CD1B: variants seen among roughly 807,000 people sequenced by gnomAD.
The protein encoded by CD1B is T-cell surface glycoprotein CD1b.
Under a neutral mutation model 39.8 loss-of-function variants are expected in CD1B, and 43 were observed. That is an observed-to-expected ratio of 1.08 (90% CI 0.85 to 1.39). CD1B has a LOEUF of 1.39. Among genes scored for constraint, CD1B ranks in the 40% most tolerant of loss-of-function variants. CD1B has a pLI of 0.00. For missense variants in CD1B, 495 were observed against 403.8 expected (o/e 1.23, Z -1.94); for synonymous variants, 192 against 152.5 (o/e 1.26, Z -1.91).
the CD1B span, chr1:158,289,845 T>C: frequency 2.1e-6 from 1 of 487,620 alleles, no homozygotes; most frequent in Non-Finnish European, 3.7e-6. Context: ...GCTGGAATCC[T>C]GAGAGAAGAG....
the CD1B span, among the ~76,000 whole-genome samples, chr1:158,299,818 G>GGT: frequency 1.3e-5 from 2 of 151,978 alleles, no homozygotes; most frequent in Admixed American, 1.3e-4. Context: ...TATTTTTGTG[G>GGT]GATCAGTGGT....
At chr1:158,314,834 G>C in the CD1B span, among the ~76,000 whole-genome samples, 1 of 129,628 alleles carries the variant, frequency 7.7e-6, no homozygotes, top group African/African-American at 3.0e-5. Context: ...AGTCCCCAGA[G>C]TGTGATGTTC....
chr1:158,320,186 C>T, the CD1B span, among the ~76,000 whole-genome samples: 265 of 152,322 alleles, frequency 1.7e-3, 2 homozygotes, highest in African/African-American at 5.8e-3. Flanking sequence ...TGGGCTCCAC[C>T]CAGTTCGAGC....
At chr1:158,302,427 A>G in the CD1B span, among the ~76,000 whole-genome samples, 1 of 152,174 alleles carries the variant, frequency 6.6e-6, no homozygotes, top group African/African-American at 2.4e-5. Flanking sequence ...AAGACAAGAA[A>G]TAACCAAAAT....
At chr1:158,313,669 C>T in the CD1B span, among the ~76,000 whole-genome samples, 3 of 152,096 alleles carry the variant, frequency 2.0e-5, no homozygotes, top group African/African-American at 4.8e-5. Flanking sequence ...CTAATGAATG[C>T]TAGTCTCAAA....
the CD1B span, among the ~76,000 whole-genome samples, chr1:158,318,178 T>C: frequency 2.0e-5 from 3 of 152,174 alleles, no homozygotes; most frequent in Non-Finnish European, 2.9e-5. Context: ...GTCTATTAGG[T>C]CCGCTTGGGG....
the CD1B span, among the ~76,000 whole-genome samples, chr1:158,313,411 G>T: frequency 6.6e-6 from 1 of 151,976 alleles, no homozygotes; most frequent in Non-Finnish European, 1.5e-5. Flanking sequence ...CCTGGGCTTG[G>T]GTGATCCTCC....
At chr1:158,311,034 A>C in the CD1B span, among the ~76,000 whole-genome samples, 1 of 152,194 alleles carries the variant, frequency 6.6e-6, no homozygotes, top group Non-Finnish European at 1.5e-5. Flanking sequence ...CAAACCTTCA[A>C]ATGTAGCTGC....
the CD1B span, among the ~76,000 whole-genome samples, chr1:158,318,400 C>G: frequency 3.3e-5 from 5 of 152,086 alleles, no homozygotes; most frequent in African/African-American, 1.2e-4. Flanking sequence ...TTGAATTGAT[C>G]CCTTTACCAT....
downstream of CD1B, among the ~76,000 whole-genome samples, chr1:158,323,142 A>G (rs932904481): frequency 6.6e-6 from 1 of 151,962 alleles, no homozygotes; most frequent in African/African-American, 2.4e-5. Context: ...TTGCTCTTTC[A>G]ATAGTATCCC....
chr1:158,327,683 G>T (rs867556724), downstream of CD1B, among the ~76,000 whole-genome samples: 4 of 152,320 alleles, frequency 2.6e-5, no homozygotes, highest in Middle Eastern at 6.8e-3. Context: ...CTCCAATGCT[G>T]TGAGTAAAGT....
chr1:158,329,644 C>T lies in CD1B; in HGVS notation c.612G>A (p.Lys204=), dbSNP rs769390917. The change falls in exon 4 of 6, where the codon AAG becomes AAA. Residue 204 remains lysine (K), a synonymous_variant. Coordinates refer to ENST00000368168, the MANE Select transcript of CD1B (RefSeq NM_001764.3). ...GGCCACTGGACAGCCAGGCCTCAGGCTTCACTAAGGCAGGAAGGAGAAAAA... is the reference window on the plus strand; with the variant it reads ...GGCCACTGGACAGCCAGGCCTCAGGTTTCACTAAGGCAGGAAGGAGAAAAA... The part of the protein sequence containing the change: ...AGKADLQRQV[K]PEAWLSSGPS... 9 of 1,613,614 alleles carry T rather than the reference C, an allele frequency of 5.6e-6. No individual in the cohort carries two copies. The East Asian group carries it at 2.0e-4, about 36-fold the overall frequency.
At chr1:158,326,293 T>C (rs1031677833), downstream of CD1B, among the ~76,000 whole-genome samples, 18 of 152,020 alleles carry the variant, frequency 1.2e-4, no homozygotes, top group African/African-American at 3.4e-4. Flanking sequence ...TTATATATAG[T>C]AAATAAAGAG....
At chr1:158,303,152 T>C in the CD1B span, among the ~76,000 whole-genome samples, 1 of 152,148 alleles carries the variant, frequency 6.6e-6, no homozygotes, top group South Asian at 2.1e-4. Context: ...AAATGATTCA[T>C]CACATAAGCA....
At chr1:158,330,162 A>C (rs545954866) in intron 2 of CD1B, 32 bp from the exon 3 acceptor site, 2 of 1,551,412 alleles carry the variant, frequency 1.3e-6, no homozygotes, top group African/African-American at 2.8e-5. Flanking sequence ...CAAGTTATTA[A>C]ACACAAATAA....
At chr1:158,304,407 T>C in the CD1B span, among the ~76,000 whole-genome samples, 9 of 152,104 alleles carry the variant, frequency 5.9e-5, no homozygotes, top group South Asian at 2.1e-4. Context: ...GCGCCCACCA[T>C]TGCCTAGGCT....
chr1:158,304,187 C>G, the CD1B span, among the ~76,000 whole-genome samples: 1 of 152,112 alleles, frequency 6.6e-6, no homozygotes, highest in Non-Finnish European at 1.5e-5. Context: ...ATTCCTTTTC[C>G]TAATCAAAGA....
chr1:158,286,506 T>C, the CD1B span, among the ~76,000 whole-genome samples: 5,279 of 152,306 alleles, frequency 0.035, 123 homozygotes, highest in East Asian at 0.052. Flanking sequence ...TTTAGGCTGA[T>C]AGACATTCTA....
the CD1B span, among the ~76,000 whole-genome samples, chr1:158,316,232 G>A: frequency 1.7e-3 from 252 of 151,980 alleles, 5 homozygotes; most frequent in African/African-American, 5.3e-3. Context: ...CATTGAATCT[G>A]TAAATTACCT....
Sources: allele counts gnomAD v4.1 joint callset (sites outside exome capture counted in the v4.1 genomes callset), GRCh38; gene constraint gnomAD v4.1.1; transcripts MANE v1.5; gene names NCBI Gene and HGNC (gene_info 2026-07-23, HGNC 2026-07-21).